Variants in PLCXD3 observed in about 807,000 individuals in gnomAD.
PLCXD3 encodes the protein PI-PLC X domain-containing protein 3.
A neutral mutation model predicts 25.5 loss-of-function variants in PLCXD3; 19 were observed. The ratio of observed to expected loss-of-function variants is 0.75; its 90% CI spans 0.52 to 1.09. PLCXD3 has a LOEUF of 1.09. Ranked by LOEUF, PLCXD3 falls within the 50% of genes least tolerant of loss-of-function variation. The pLI, the probability that PLCXD3 is intolerant of heterozygous loss-of-function variation, is 0.00. For missense variants in PLCXD3, 411 were observed against 388.1 expected (o/e 1.06, Z -0.50); for synonymous variants, 174 against 137.6 (o/e 1.26, Z -1.85).
chr5:41,356,487 G>A (rs1042995357), intron 2 of PLCXD3, among the ~76,000 whole-genome samples: 6 of 152,102 alleles, frequency 3.9e-5, no homozygotes, highest in Non-Finnish European at 1.5e-5. Flanking sequence ...GTCAGATGCT[G>A]TTATTATTAA....
At chr5:41,368,438 G>A (rs565061607) in intron 2 of PLCXD3, among the ~76,000 whole-genome samples, 2 of 152,306 alleles carry the variant, frequency 1.3e-5, no homozygotes, top group Admixed American at 6.5e-5. Context: ...CTTTTGGGCT[G>A]AGACAATGGG....
chr5:41,481,960 A>T (rs1580394976), intron 1 of PLCXD3, among the ~76,000 whole-genome samples: 1 of 152,328 alleles, frequency 6.6e-6, no homozygotes, highest in East Asian at 1.9e-4. Flanking sequence ...CACAAGAATA[A>T]GGACCTAAGT....
chr5:41,404,475 G>A (rs1746293226), intron 1 of PLCXD3, among the ~76,000 whole-genome samples: 1 of 151,888 alleles, frequency 6.6e-6, no homozygotes, highest in Non-Finnish European at 1.5e-5. Context: ...AGAAGGGCAA[G>A]GAAGGAAATG....
intron 2 of PLCXD3, among the ~76,000 whole-genome samples, chr5:41,374,014 A>G (rs374546847): frequency 2.0e-5 from 3 of 152,148 alleles, no homozygotes; most frequent in African/African-American, 7.2e-5. Flanking sequence ...ATGAACTTGA[A>G]TCTGGCAGGC....
chr5:41,402,954 A>ATAT (rs1746230091), intron 1 of PLCXD3, among the ~76,000 whole-genome samples: 1 of 152,104 alleles, frequency 6.6e-6, no homozygotes, highest in Non-Finnish European at 1.5e-5. Flanking sequence ...ATCCAGTCTG[A>ATAT]CAATGTCTGC....
chr5:41,377,932 C>T (rs768049032), intron 2 of PLCXD3, among the ~76,000 whole-genome samples: 3 of 152,006 alleles, frequency 2.0e-5, no homozygotes, highest in Non-Finnish European at 4.4e-5. Context: ...ATATGTAAGG[C>T]CCAGAGCAGT....
At chr5:41,497,331 A>T (rs1748864220) in intron 1 of PLCXD3, among the ~76,000 whole-genome samples, 1 of 151,922 alleles carries the variant, frequency 6.6e-6, no homozygotes, top group Admixed American at 6.6e-5. Context: ...GAAAGTGAAT[A>T]GAAAAATATA....
chr5:41,438,370 GA>G (rs1439334746), intron 1 of PLCXD3, among the ~76,000 whole-genome samples: 2 of 152,164 alleles, frequency 1.3e-5, no homozygotes, highest in Non-Finnish European at 2.9e-5. Context: ...AAAATAGCCT[GA>G]AGTCTGAAAA....
chr5:41,487,846 A>C (rs979836783), intron 1 of PLCXD3, among the ~76,000 whole-genome samples: 2 of 152,178 alleles, frequency 1.3e-5, no homozygotes, highest in Non-Finnish European at 2.9e-5. Context: ...AGTTGAGGTC[A>C]GAAAAATAGA....
rs556733015 is a variant in PLCXD3, at chr5:41,503,168, C to T, written c.103+7256G>A. On this transcript the variant is annotated intron_variant, in intron 1 of 2. Transcript: ENST00000377801. ...GCCCACTAGGACTGCAAGTGCAGTC[C>T]ACTTTCTCTCCACTAGCTAACAAGC... Among the ~76,000 whole-genome samples, 16 of 152,278 alleles carry T rather than the reference C, an allele frequency of 1.1e-4. No homozygotes were observed. In the East Asian group the frequency reaches 2.9e-3, roughly 28 times the overall value.
intron 2 of PLCXD3, among the ~76,000 whole-genome samples, chr5:41,372,471 C>T (rs1210185211): frequency 6.6e-6 from 1 of 152,046 alleles, no homozygotes; most frequent in African/African-American, 2.4e-5. Flanking sequence ...TTTAATCTTA[C>T]AACATCAGCA....
At chr5:41,393,363 A>G (rs1336199215) in intron 1 of PLCXD3, among the ~76,000 whole-genome samples, 2 of 152,226 alleles carry the variant, frequency 1.3e-5, no homozygotes, top group Admixed American at 1.3e-4. Context: ...TATGTCTGGC[A>G]GCAGACTTTT....
intron 1 of PLCXD3, among the ~76,000 whole-genome samples, chr5:41,436,890 T>C (rs1438797657): frequency 6.6e-6 from 1 of 152,228 alleles, no homozygotes; most frequent in Non-Finnish European, 1.5e-5. Flanking sequence ...TTCTATACTT[T>C]TAGATACTTA....
In PLCXD3 at chr5:41,331,965, C is replaced by T. The variant is rs867513794; in HGVS notation, c.813-18195G>A. Among the ~76,000 whole-genome samples, 29 of 152,186 alleles carry T rather than the reference C, an allele frequency of 1.9e-4. No individual in the cohort carries two copies. The Middle Eastern group carries it at 0.01, about 54-fold the overall frequency. ...ATTCAAGATGGATTAAAGACTTAAA[C>T]GTTAGACCTAAAACCTTAAAAACCC... On this transcript the variant is annotated intron_variant, in intron 2 of 2. Coordinates refer to ENST00000377801, the MANE Select transcript of PLCXD3 (RefSeq NM_001005473.3).
At chr5:41,396,095 G>C (rs1206805443) in intron 1 of PLCXD3, among the ~76,000 whole-genome samples, 1 of 151,920 alleles carries the variant, frequency 6.6e-6, no homozygotes, top group Non-Finnish European at 1.5e-5. Flanking sequence ...AAAATACTAG[G>C]AGACTGAATT....
chr5:41,312,762 CATT>C lies in PLCXD3; in HGVS notation c.*852_*854del, dbSNP rs1170730750. On this transcript the variant is annotated 3_prime_UTR_variant, in exon 3 of 3. Coordinates refer to ENST00000377801, the MANE Select transcript of PLCXD3 (RefSeq NM_001005473.3). ...TGTCTTTTTCTTTCATCAAGAGCAT[CATT>C]AAGAGGGCTTTTTAAAGAGTTATTT... The C allele has an allele frequency of 1.4e-5, 2 of 144,180 alleles. No individual in the cohort carries two copies. Among genetic ancestry groups the C allele is most frequent in the African/African-American group, 5.1e-5 (2 of 39,070 alleles). 8.9% of individuals were successfully genotyped at this position (144,180 alleles called of 1,614,324 possible). A position where few individuals can be genotyped will look rare whatever the true frequency, so the allele number is the denominator to read the frequency against.
rs531892583 is a variant in PLCXD3 at position 41,451,556 on chromosome 5, T to C, written c.103+58868A>G. ...AATGTATATGCAGAGAGGAAAAGCA[T>C]TGACTTTTCAAGAATATTTAAAAGC... On this transcript the variant is annotated intron_variant, in intron 1 of 2. Transcript: ENST00000377801. 1.1e-4 allele frequency among the ~76,000 whole-genome samples: 17 copies of C among 152,140 alleles called. No homozygotes were observed. The South Asian group carries it at 1.5e-3, about 13-fold the overall frequency.
At chr5:41,489,018 G>C (rs1748586500) in intron 1 of PLCXD3, among the ~76,000 whole-genome samples, 1 of 152,144 alleles carries the variant, frequency 6.6e-6, no homozygotes, top group Non-Finnish European at 1.5e-5. Context: ...CCTATGTCCT[G>C]AATGGTAATG....
At chr5:41,370,909 C>A (rs946623953) in intron 2 of PLCXD3, among the ~76,000 whole-genome samples, 1 of 152,144 alleles carries the variant, frequency 6.6e-6, no homozygotes, top group Non-Finnish European at 1.5e-5. Context: ...ATTCCCTTTA[C>A]AAAGAACTAT....
Sources: allele counts gnomAD v4.1 joint callset (sites outside exome capture counted in the v4.1 genomes callset), GRCh38; gene constraint gnomAD v4.1.1; transcripts MANE v1.5; gene names NCBI Gene and HGNC (gene_info 2026-07-23, HGNC 2026-07-21).